CNTNAP2: variants seen among roughly 807,000 people sequenced by gnomAD.
The protein encoded by CNTNAP2 is contactin associated protein 2.
CNTNAP2 carries 98 observed loss-of-function variants against 155.2 expected under a neutral mutation model. The observed-to-expected ratio is 0.63, with a 90% CI of 0.54 to 0.75. The LOEUF (loss-of-function observed/expected upper bound fraction) is 0.75. CNTNAP2 is among the 30% of genes least tolerant of loss of function. The probability of loss-of-function intolerance (pLI) is 0.00; values close to 1 mark genes in which losing one functional copy is unlikely to be tolerated. For missense variants in CNTNAP2, 1,727 were observed against 1,688.1 expected, an observed-to-expected ratio of 1.02 and a Z score of -0.40; for synonymous variants, 651 against 631.2, an observed-to-expected ratio of 1.03 and a Z score of -0.47.
intron 13 of CNTNAP2, among the ~76,000 whole-genome samples, chr7:147,708,175 T>A (rs1563060160): frequency 6.6e-6 from 1 of 152,314 alleles, no homozygotes; most frequent in East Asian, 1.9e-4. Context: ...GCTGTATACA[T>A]GTGTTTAGGG....
At chr7:147,119,390 AG>A (rs1172460393) in intron 5 of CNTNAP2, among the ~76,000 whole-genome samples, 2 of 152,198 alleles carry the variant, frequency 1.3e-5, no homozygotes, top group African/African-American at 4.8e-5. Flanking sequence ...TACAACAGCC[AG>A]GGAGAAATAT....
chr7:146,850,907 G>A (rs1794866512), intron 3 of CNTNAP2, among the ~76,000 whole-genome samples: 1 of 152,138 alleles, frequency 6.6e-6, no homozygotes, highest in African/African-American at 2.4e-5. Context: ...CCTTTCACAG[G>A]CAATGTGAAA....
At chr7:147,547,915 A>G (rs1469456475) in intron 11 of CNTNAP2, among the ~76,000 whole-genome samples, 3 of 152,112 alleles carry the variant, frequency 2.0e-5, no homozygotes, top group South Asian at 4.1e-4. Context: ...AGCTTCATCT[A>G]TGTCCCTGAA....
chr7:148,297,187 A>AGGAAGGAAGGAAGGAAGGAAGGAAGGAG (rs1422661751), intron 21 of CNTNAP2, among the ~76,000 whole-genome samples: 2,837 of 150,470 alleles, frequency 0.019, 37 homozygotes, highest in Non-Finnish European at 0.021. Context: ...GAAGGAAGGA[A>AGGAAGGAAGGAAGGAAGGAAGGAAGGAG]GGAAGGAAGG....
intron 1 of CNTNAP2, among the ~76,000 whole-genome samples, chr7:146,333,513 C>T (rs1351179712): frequency 6.6e-6 from 1 of 152,162 alleles, no homozygotes; most frequent in Non-Finnish European, 1.5e-5. Flanking sequence ...CTATAACACA[C>T]ATTTAATTTC....
intron 5 of CNTNAP2, among the ~76,000 whole-genome samples, chr7:147,114,133 T>C (rs967587405): frequency 6.6e-6 from 1 of 152,192 alleles, no homozygotes; most frequent in Non-Finnish European, 1.5e-5. Context: ...TTTGAGAGAA[T>C]TTCTTAATCA....
chr7:147,314,369 C>T (rs1384267475), intron 9 of CNTNAP2, among the ~76,000 whole-genome samples: 1 of 152,076 alleles, frequency 6.6e-6, no homozygotes, highest in East Asian at 1.9e-4. Flanking sequence ...AAAAAAATCC[C>T]CAAGCCTCTC....
Position 147,987,757 on chromosome 7 carries a change from T to G in CNTNAP2, c.2383+9768T>G, listed in dbSNP as rs1801644058. Among the ~76,000 whole-genome samples the G allele has an allele frequency of 2.6e-5, 4 of 152,266 alleles. No individual in the cohort carries two copies. In the South Asian group the frequency reaches 8.3e-4, roughly 32 times the overall value. ...TTGCCCAGGCTAGAGTGCAGTGGCA[T>G]GACCTTGGCTCACTGCAACCTCTGC... On this transcript the variant is annotated intron_variant, in intron 15 of 23. Coordinates refer to ENST00000361727, the MANE Select transcript of CNTNAP2 (RefSeq NM_014141.6).
intron 5 of CNTNAP2, among the ~76,000 whole-genome samples, chr7:147,119,662 G>C (rs921355729): frequency 4.0e-5 from 6 of 151,470 alleles, no homozygotes; most frequent in African/African-American, 1.5e-4. Flanking sequence ...ATATGTTCTA[G>C]GAAGATAATA....
At position 148,418,284 on chromosome 7, in the gene CNTNAP2, C is replaced by T. The variant is rs1303530419; in HGVS notation, c.*2668C>T. The T allele has an allele frequency of 6.6e-6, 1 of 152,240 alleles. No individual in the cohort carries two copies. Among genetic ancestry groups the T allele is most frequent in the African/African-American group, 2.4e-5 (1 of 41,462 alleles). 9.4% of individuals were successfully genotyped at this position (152,240 alleles called of 1,614,324 possible). A position where few individuals can be genotyped will look rare whatever the true frequency, so the allele number is the denominator to read the frequency against. ...CCTTGGATAGCCTAGCACAGTGCAG[C>T]CTCCATAACCATGACATTCCCGCCC... On this transcript the variant is annotated 3_prime_UTR_variant, in exon 24 of 24. Coordinates refer to ENST00000361727, the MANE Select transcript of CNTNAP2 (RefSeq NM_014141.6).
At chr7:147,490,002 C>T (rs1170757369) in intron 11 of CNTNAP2, among the ~76,000 whole-genome samples, 1 of 152,088 alleles carries the variant, frequency 6.6e-6, no homozygotes, top group Non-Finnish European at 1.5e-5. Context: ...AAACTTTTGG[C>T]TAATTTAATG....
At chr7:147,635,561 G>C (rs1200516971) in intron 12 of CNTNAP2, among the ~76,000 whole-genome samples, 1 of 152,136 alleles carries the variant, frequency 6.6e-6, no homozygotes, top group African/African-American at 2.4e-5. Context: ...ACATATAACA[G>C]ATAATGCATA....
intron 15 of CNTNAP2, among the ~76,000 whole-genome samples, chr7:148,035,446 T>TAGC (rs1163253284): frequency 6.6e-6 from 1 of 152,150 alleles, no homozygotes; most frequent in African/African-American, 2.4e-5. Flanking sequence ...CATTCCAGTG[T>TAGC]AGCAGTCCTC....
chr7:148,077,781 T>A (rs1354740498), intron 15 of CNTNAP2, among the ~76,000 whole-genome samples: 1 of 152,216 alleles, frequency 6.6e-6, no homozygotes, highest in East Asian at 1.9e-4. Flanking sequence ...AAGGACCTTA[T>A]TCAAGTATTT....
chr7:147,793,084 A>G (rs913911896), intron 13 of CNTNAP2, among the ~76,000 whole-genome samples: 1 of 152,102 alleles, frequency 6.6e-6, no homozygotes, highest in African/African-American at 2.4e-5. Context: ...TTATTTACAT[A>G]TTCTGGTTTT....
chr7:147,901,503 C>A (rs1280782260), intron 13 of CNTNAP2, among the ~76,000 whole-genome samples: 2 of 152,216 alleles, frequency 1.3e-5, no homozygotes, highest in Non-Finnish European at 2.9e-5. Context: ...TACTGCTCCT[C>A]TCAGCACATC....
chr7:146,993,330 T>A (rs1348078901), intron 3 of CNTNAP2, among the ~76,000 whole-genome samples: 1 of 152,164 alleles, frequency 6.6e-6, no homozygotes, highest in African/African-American at 2.4e-5. Flanking sequence ...GTGTGTTTAC[T>A]GGACTTGTAT....
chr7:146,624,673 G>A (rs1436819109), intron 1 of CNTNAP2, among the ~76,000 whole-genome samples: 1 of 151,834 alleles, frequency 6.6e-6, no homozygotes. Context: ...GAGTCCTTCA[G>A]TTTGTTCTTT....
At position 147,726,045 on chromosome 7, in the gene CNTNAP2, AG is replaced by A. The variant is rs376935922; in HGVS notation, c.2098+86741del. On this transcript the variant is annotated intron_variant, in intron 13 of 23. Transcript: ENST00000361727. ...ATACTGCATGATTTCTCGTATAAAA[AG>A]GCATCTAAAATAATCAACAGTATGG... Among the ~76,000 whole-genome samples the A allele has an allele frequency of 1.1e-3, 163 of 152,168 alleles. 2 individuals are homozygous for A. The highest frequency in any genetic ancestry group is 3.8e-3 in the African/African-American group (156 of 41,556).
Sources: allele counts gnomAD v4.1 joint callset (sites outside exome capture counted in the v4.1 genomes callset), GRCh38; gene constraint gnomAD v4.1.1; transcripts MANE v1.5; gene names NCBI Gene and HGNC (gene_info 2026-07-23, HGNC 2026-07-21).